The following LDAH variants were observed in gnomAD, a reference collection of about 807,000 sequenced individuals.
LDAH encodes the protein lipid droplet-associated hydrolase.
A neutral mutation model predicts 29.6 loss-of-function variants in LDAH; 26 were observed. The ratio of observed to expected loss-of-function variants is 0.88; its 90% CI spans 0.64 to 1.22. The LOEUF is 1.22. Ranked by LOEUF, LDAH falls within the 50% of genes most tolerant of loss-of-function variation. The pLI is 0.00. For synonymous variants in LDAH, 117 were observed against 133.0 expected (o/e 0.88, Z 0.83); for missense variants, 344 against 387.3 (o/e 0.89, Z 0.94).
intron 4 of LDAH, among the ~76,000 whole-genome samples, chr2:20,753,812 T>C (rs1048655130): frequency 6.6e-6 from 1 of 152,198 alleles, no homozygotes; most frequent in Non-Finnish European, 1.5e-5. Flanking sequence ...CTAATAAACA[T>C]CTTGCTTAAA....
intron 5 of LDAH, among the ~76,000 whole-genome samples, chr2:20,708,612 G>T (rs1664477420): frequency 6.6e-6 from 1 of 152,148 alleles, no homozygotes; most frequent in African/African-American, 2.4e-5. Flanking sequence ...CTGGAACTTG[G>T]ACAAGTGGAT....
chr2:20,712,141 C>T (rs1263158122), intron 5 of LDAH, among the ~76,000 whole-genome samples: 1 of 152,170 alleles, frequency 6.6e-6, no homozygotes, highest in Non-Finnish European at 1.5e-5. Context: ...CCAGCAGACA[C>T]CTCATACAGG....
chr2:20,744,469 A>G (rs1447508787), intron 4 of LDAH, among the ~76,000 whole-genome samples: 1 of 152,076 alleles, frequency 6.6e-6, no homozygotes, highest in Non-Finnish European at 1.5e-5. Flanking sequence ...CTTTGGTAGG[A>G]CAGGATGGCT....
intron 5 of LDAH, among the ~76,000 whole-genome samples, chr2:20,735,962 G>C (rs1422602849): frequency 6.6e-6 from 1 of 152,104 alleles, no homozygotes; most frequent in Non-Finnish European, 1.5e-5. Flanking sequence ...TTACTGCAGG[G>C]CAGTGATGAA....
intron 5 of LDAH, among the ~76,000 whole-genome samples, chr2:20,705,063 C>T (rs1349994254): frequency 6.6e-6 from 1 of 152,194 alleles, no homozygotes; most frequent in Non-Finnish European, 1.5e-5. Flanking sequence ...TATTCCCTTA[C>T]TTTACTGAAG....
chr2:20,798,829 C>T (rs574155206), intron 2 of LDAH, among the ~76,000 whole-genome samples: 1 of 151,924 alleles, frequency 6.6e-6, no homozygotes, highest in African/African-American at 2.4e-5. Flanking sequence ...TTGCAGTGAG[C>T]CGAGATCACA....
chr2:20,711,125 A>G lies in LDAH; in HGVS notation c.704-9473T>C, dbSNP rs193153066. Among the ~76,000 whole-genome samples, 634 of 152,228 alleles carry G rather than the reference A, an allele frequency of 4.2e-3. 6 individuals carry two copies. Among genetic ancestry groups the G allele is most frequent in the South Asian group, 9.9e-3 (48 of 4,830 alleles). On this transcript the variant is annotated intron_variant, in intron 5 of 6. Coordinates refer to ENST00000237822, the MANE Select transcript of LDAH (RefSeq NM_021925.4). ...GGCCTTTAAAGAGTAGAGAAGTGTCACGCCTGTAATCCCAGCACTTTGGGA... is the reference window on the plus strand; with the variant it reads ...GGCCTTTAAAGAGTAGAGAAGTGTCGCGCCTGTAATCCCAGCACTTTGGGA...
At chr2:20,731,731 G>C (rs1395067866) in intron 5 of LDAH, among the ~76,000 whole-genome samples, 2 of 151,966 alleles carry the variant, frequency 1.3e-5, no homozygotes, top group Non-Finnish European at 2.9e-5. Context: ...GGTTTCTATT[G>C]CTAGTGTATG....
At chr2:20,692,196 A>G (rs1223044781) in intron 6 of LDAH, among the ~76,000 whole-genome samples, 2 of 152,210 alleles carry the variant, frequency 1.3e-5, no homozygotes, top group African/African-American at 2.4e-5. Flanking sequence ...AGACTAGGCG[A>G]GAGAACAGAC....
At chr2:20,707,037 G>C (rs778982199) in intron 5 of LDAH, among the ~76,000 whole-genome samples, 4 of 152,120 alleles carry the variant, frequency 2.6e-5, no homozygotes, top group African/African-American at 9.7e-5. Context: ...ATGATTCCAC[G>C]GTGAACATTT....
chr2:20,783,090 G>T (rs1420426207), intron 3 of LDAH, among the ~76,000 whole-genome samples: 1 of 152,140 alleles, frequency 6.6e-6, no homozygotes, highest in African/African-American at 2.4e-5. Flanking sequence ...TTATTTAAAA[G>T]TGTGTTGTTT....
At chr2:20,785,471 G>T (rs1300721966) in intron 3 of LDAH, among the ~76,000 whole-genome samples, 4 of 152,154 alleles carry the variant, frequency 2.6e-5, no homozygotes, top group African/African-American at 9.7e-5. Flanking sequence ...CTATTTTCAA[G>T]ATTTTGTCTT....
chr2:20,790,471 A>C, intron 2 of LDAH, 73 bp from the exon 3 acceptor site: 1 of 1,295,654 alleles, frequency 7.7e-7, no homozygotes, highest in South Asian at 1.3e-5. Context: ...AGGCTAGAAA[A>C]GATGGGTCTG....
chr2:20,708,238 G>C (rs1386776863), intron 5 of LDAH, among the ~76,000 whole-genome samples: 1 of 152,152 alleles, frequency 6.6e-6, no homozygotes, highest in East Asian at 1.9e-4. Context: ...ACCGGTCCCT[G>C]GTTCCAAAAA....
chr2:20,756,745 A>G (rs1292849539), intron 4 of LDAH, among the ~76,000 whole-genome samples: 1 of 152,204 alleles, frequency 6.6e-6, no homozygotes, highest in Admixed American at 6.5e-5. Context: ...AAAGTATAAC[A>G]CACAAATAAT....
Position 20,801,378 on chromosome 2 carries a change from C to A in LDAH, c.86G>T (p.Gly29Val), listed in dbSNP as rs1558492444. 6.2e-6 allele frequency: 10 copies of A among 1,614,080 alleles called. No individual in the cohort carries two copies. In the East Asian group the frequency reaches 2.2e-4, roughly 36 times the overall value. Reference protein sequence around the residue: ...GGAETQVLKCGPWTDLFHDQS... With the variant: ...GGAETQVLKCVPWTDLFHDQS... ...ATCATGAAAGAGGTCTGTCCAGGGC[C>A]CACATTTTAGAACCTGGGTTTCGGC... Residue 29 changes from glycine (G) to valine (V), a missense_variant, in exon 2 of 7, where the codon GGG (glycine) becomes GTG (valine). Coordinates refer to ENST00000237822, the MANE Select transcript of LDAH (RefSeq NM_021925.4).
chr2:20,811,629 C>T (rs1181527589), intron 1 of LDAH, among the ~76,000 whole-genome samples: 1 of 151,754 alleles, frequency 6.6e-6, no homozygotes, highest in Non-Finnish European at 1.5e-5. Flanking sequence ...GGACGACAGG[C>T]GCCTGCCACC....
chr2:20,691,382 T>G lies in LDAH; in HGVS notation c.787-4288A>C, dbSNP rs374339254. On this transcript the variant is annotated intron_variant, in intron 6 of 6. Coordinates refer to ENST00000237822, the MANE Select transcript of LDAH (RefSeq NM_021925.4). ...TGTAGAGACGAAGTCTCCCTATGTTTCCCAGGCTGGTCTCCAACTCCTGGG... is the reference window on the plus strand; with the variant it reads ...TGTAGAGACGAAGTCTCCCTATGTTGCCCAGGCTGGTCTCCAACTCCTGGG... 1.7e-3 allele frequency among the ~76,000 whole-genome samples: 265 copies of G among 152,202 alleles called. 7 individuals carry two copies. The South Asian group carries it at 0.051, about 30-fold the overall frequency.
intron 4 of LDAH, among the ~76,000 whole-genome samples, chr2:20,752,997 A>G (rs113696843): frequency 4.5e-5 from 6 of 131,976 alleles, no homozygotes; most frequent in Admixed American, 2.3e-4. Flanking sequence ...AACAACAACA[A>G]CAGCAACAAC....
Sources: allele counts gnomAD v4.1 joint callset (sites outside exome capture counted in the v4.1 genomes callset), GRCh38; gene constraint gnomAD v4.1.1; transcripts MANE v1.5; gene names NCBI Gene and HGNC (gene_info 2026-07-23, HGNC 2026-07-21).